Variants in SRGAP2 observed in about 807,000 individuals in gnomAD.
The protein encoded by SRGAP2 is SLIT-ROBO Rho GTPase activating protein 2.
SRGAP2 carries 15 observed loss-of-function variants against 57.2 expected under a neutral mutation model. The ratio of observed to expected loss-of-function variants is 0.26; its 90% CI spans 0.18 to 0.40. The LOEUF is 0.40. SRGAP2 is among the 10% of genes least tolerant of loss of function. The pLI is 1.00. For synonymous variants in SRGAP2, 249 were observed against 248.0 expected (o/e 1.00, Z -0.04); for missense variants, 520 against 669.6 (o/e 0.78, Z 2.47).
At chr1:206,441,039 G>A (rs1395528540) in intron 17 of SRGAP2, among the ~76,000 whole-genome samples, 1 of 152,142 alleles carries the variant, frequency 6.6e-6, no homozygotes, top group African/African-American at 2.4e-5. Flanking sequence ...TTTGAACATA[G>A]CATTAACAGG....
In SRGAP2 at chr1:206,459,751, G is replaced by T. The variant is rs78917502; in HGVS notation, c.2832+804G>T. 5.2e-3 allele frequency among the ~76,000 whole-genome samples: 796 copies of T among 152,300 alleles called. 4 individuals carry two copies. The highest frequency in any genetic ancestry group is 0.018 in the African/African-American group (742 of 41,566). ...AGATTCTCCTTACCCCATCTTCCAG[G>T]GGGTGATAGAGGCTGGGCATGGTCT... On this transcript the variant is annotated intron_variant, in intron 22 of 22. Transcript: ENST00000573034.
chr1:206,238,806 A>T (rs1242843308), intron 2 of SRGAP2, among the ~76,000 whole-genome samples: 3 of 151,724 alleles, frequency 2.0e-5, no homozygotes, highest in Non-Finnish European at 2.9e-5. Flanking sequence ...CTACTGTGGG[A>T]CATTAGACCC....
intron 12 of SRGAP2, among the ~76,000 whole-genome samples, chr1:206,420,521 C>T (rs1207113244): frequency 6.6e-6 from 1 of 152,120 alleles, no homozygotes; most frequent in African/African-American, 2.4e-5. Flanking sequence ...TATAGAAGAC[C>T]AGAGCACTCC....
chr1:206,429,040 C>T (rs1335501629), intron 13 of SRGAP2, among the ~76,000 whole-genome samples: 2 of 152,124 alleles, frequency 1.3e-5, no homozygotes, highest in Non-Finnish European at 2.9e-5. Flanking sequence ...TAGTACATGG[C>T]CTCACACCTC....
intron 19 of SRGAP2, among the ~76,000 whole-genome samples, chr1:206,452,903 AAAAAAAT>A (rs1663455631): frequency 6.6e-6 from 1 of 151,294 alleles, no homozygotes; most frequent in Non-Finnish European, 1.5e-5. Flanking sequence ...AAAAAAAAAA[AAAAAAAT>A]GGGATGCTTG....
intron 3 of SRGAP2, among the ~76,000 whole-genome samples, chr1:206,310,183 G>T (rs1341724588): frequency 6.6e-6 from 1 of 151,346 alleles, no homozygotes; most frequent in Non-Finnish European, 1.5e-5. Flanking sequence ...TTTTTGTAAG[G>T]CAAAATGGCA....
intron 2 of SRGAP2, among the ~76,000 whole-genome samples, chr1:206,220,318 C>T (rs1334025976): frequency 2.6e-5 from 4 of 151,874 alleles, no homozygotes; most frequent in Non-Finnish European, 5.9e-5. Context: ...AAAAATTATC[C>T]GATAACGTTA....
rs1553376727 is a variant in SRGAP2, at chr1:206,453,229, T to C, written c.2209T>C (p.Phe737Leu). 1 of 613,112 alleles carries C rather than the reference T, an allele frequency of 1.6e-6. No homozygotes were observed. The highest frequency in any genetic ancestry group is 1.9e-5 in the South Asian group (1 of 52,986). 38.0% of individuals were successfully genotyped at this position (613,112 alleles called of 1,614,324 possible). A position where few individuals can be genotyped will look rare whatever the true frequency, so the allele number is the denominator to read the frequency against. The change falls in exon 20 of 23, where the codon TTT becomes CTT. Residue 737 changes from phenylalanine (F) to leucine (L), a missense_variant. By Grantham distance (22) the Phe-to-Leu change is conservative (BLOSUM62 0). Around this residue, in one of 5 missense-constraint regions of SRGAP2, gnomAD observed 478 missense variants for 373.6 expected, o/e 1.28. Coordinates refer to ENST00000573034, the MANE Select transcript of SRGAP2 (RefSeq NM_015326.5). ...ECEPIEAIAK[F>L]DYVGRTAREL... ...TGAGCCCATCGAGGCCATTGCCAAG[T>C]TTGACTACGTGGGCCGGACAGCCCG... is the stretch of plus-strand genomic sequence containing the variant.
chr1:206,420,548 C>T (rs1553363967), intron 12 of SRGAP2, among the ~76,000 whole-genome samples: 1 of 152,132 alleles, frequency 6.6e-6, no homozygotes, highest in Non-Finnish European at 1.5e-5. Context: ...TTCAAGGTGT[C>T]GTAGGATTCC....
chr1:206,238,672 G>C (rs1553308481), intron 2 of SRGAP2, among the ~76,000 whole-genome samples: 2 of 146,596 alleles, frequency 1.4e-5, no homozygotes, highest in Non-Finnish European at 3.0e-5. Context: ...TGGCTTTCTG[G>C]GAACCAGGGT....
intron 4 of SRGAP2, among the ~76,000 whole-genome samples, chr1:206,361,530 A>T (rs1676920937): frequency 6.6e-6 from 1 of 152,172 alleles, no homozygotes; most frequent in South Asian, 2.1e-4. Flanking sequence ...ATGCTACATA[A>T]ATCAAGATAT....
chr1:206,377,481 ATTTTTTT>A (rs782108315), intron 4 of SRGAP2, among the ~76,000 whole-genome samples: 1 of 98,968 alleles, frequency 1.0e-5, no homozygotes, highest in Admixed American at 1.1e-4. Context: ...TTGAAATCAG[ATTTTTTT>A]TTTTTTTTTT....
At chr1:206,449,286 A>ATTTTTTTGTTTTTTT (rs1489255492) in intron 18 of SRGAP2, among the ~76,000 whole-genome samples, 2 of 110,680 alleles carry the variant, frequency 1.8e-5, no homozygotes, top group Admixed American at 9.2e-5. Context: ...ACACTGGATG[A>ATTTTTTTGTTTTTTT]TTTTTTTTTT....
chr1:206,458,880 C>G lies in SRGAP2; in HGVS notation c.2765C>G (p.Thr922Ser). The change falls in exon 22 of 23, where the codon ACT becomes AGT. Residue 922 changes from threonine (T) to serine (S), a missense_variant. Thr to Ser is a moderately conservative substitution (Grantham distance 58, BLOSUM62 1). Transcript: ENST00000573034. ...CTGGATAGTCCACAGATCCGGAAGA[C>G]TGCCACAGCGGGAAGGTCAAAAAGC... ...NRLDSPQIRK[T>S]ATAGRSKSFN... The G allele has an allele frequency of 1.3e-6, 1 of 780,498 alleles. No individual in the cohort carries two copies. Among genetic ancestry groups the G allele is most frequent in the Non-Finnish European group, 2.4e-6 (1 of 417,808 alleles). The allele number at this position is 780,498 out of a possible 1,614,324, so 48.3% of individuals were successfully genotyped here.
chr1:206,447,206 C>G (rs1553374204), intron 18 of SRGAP2, among the ~76,000 whole-genome samples: 3 of 152,286 alleles, frequency 2.0e-5, no homozygotes, highest in Non-Finnish European at 4.4e-5. Flanking sequence ...CCTTCTTCCC[C>G]TAAATAGTAT....
At chr1:206,301,095 G>A (rs1176187918) in intron 2 of SRGAP2, among the ~76,000 whole-genome samples, 8 of 152,224 alleles carry the variant, frequency 5.3e-5, no homozygotes, top group South Asian at 2.1e-4. Context: ...GCAGTGGTGC[G>A]ATCTCTGCTC....
intron 4 of SRGAP2, among the ~76,000 whole-genome samples, chr1:206,351,930 G>A (rs574598099): frequency 6.6e-6 from 1 of 152,228 alleles, no homozygotes; most frequent in East Asian, 1.9e-4. Context: ...TAGTTCTTAG[G>A]TATCTACCTT....
Position 206,461,695 on chromosome 1 carries a change from G to A in SRGAP2, c.*275G>A, listed in dbSNP as rs1425401922. On this transcript the variant is annotated 3_prime_UTR_variant, in exon 23 of 23. Coordinates refer to ENST00000573034, the MANE Select transcript of SRGAP2 (RefSeq NM_015326.5). ...GCCAGAGACAGGTTTTCATTATCAGGTCACTGTGAAATCTGGTAAGGCAGT... is the reference window on the plus strand; with the variant it reads ...GCCAGAGACAGGTTTTCATTATCAGATCACTGTGAAATCTGGTAAGGCAGT... The A allele has an allele frequency of 2.7e-6, 1 of 375,298 alleles. No individual in the cohort carries two copies. The highest frequency in any genetic ancestry group is 4.8e-6 in the Non-Finnish European group (1 of 207,776). 23.2% of individuals were successfully genotyped at this position (375,298 alleles called of 1,614,324 possible). A position where few individuals can be genotyped will look rare whatever the true frequency, so the allele number is the denominator to read the frequency against.
chr1:206,422,062 G>A (rs913006534), intron 13 of SRGAP2, among the ~76,000 whole-genome samples: 2 of 152,228 alleles, frequency 1.3e-5, no homozygotes, highest in South Asian at 2.1e-4. Context: ...AGCAGGGAGG[G>A]CGGGTGGAGA....
Sources: allele counts gnomAD v4.1 joint callset (sites outside exome capture counted in the v4.1 genomes callset), GRCh38; gene constraint gnomAD v4.1.1; regional missense constraint gnomAD v4.1.1; transcripts MANE v1.5; gene names NCBI Gene and HGNC (gene_info 2026-07-23, HGNC 2026-07-21).